ROBO2: variants seen among roughly 807,000 people sequenced by gnomAD.
ROBO2 encodes roundabout guidance receptor 2, also known as roundabout homolog 2.
In ROBO2, 53 loss-of-function variants were observed where a neutral mutation model predicts 160.8. The observed-to-expected ratio is 0.33, with a 90% CI of 0.26 to 0.41. ROBO2 has a LOEUF of 0.41. Ranked by LOEUF, ROBO2 falls within the 10% of genes least tolerant of loss-of-function variation. The pLI is 1.00. For missense variants in ROBO2, 1,577 were observed against 1,722.4 expected, an observed-to-expected ratio of 0.92 and a Z score of 1.49; for synonymous variants, 664 against 611.7, an observed-to-expected ratio of 1.09 and a Z score of -1.26.
intron 2 of ROBO2, among the ~76,000 whole-genome samples, chr3:76,509,096 A>AAGAAC (rs2080948001): frequency 6.6e-6 from 1 of 152,140 alleles, no homozygotes; most frequent in Non-Finnish European, 1.5e-5. Context: ...CTTGTCTCTA[A>AAGAAC]TAAGATTACT....
chr3:77,097,002 T>C (rs985093668), intron 1 of ROBO2, among the ~76,000 whole-genome samples: 9 of 152,240 alleles, frequency 5.9e-5, no homozygotes, highest in African/African-American at 1.2e-4. Context: ...CTATCCCTTA[T>C]TGATAATACA....
intron 2 of ROBO2, among the ~76,000 whole-genome samples, chr3:76,867,317 G>T (rs1282087613): frequency 6.6e-6 from 1 of 152,128 alleles, no homozygotes; most frequent in Non-Finnish European, 1.5e-5. Flanking sequence ...CACATTATAT[G>T]CCAGTCTCAG....
chr3:76,414,083 CT>C (rs35679030), intron 2 of ROBO2, among the ~76,000 whole-genome samples: 88,112 of 151,842 alleles, frequency 0.58, 26,076 homozygotes, highest in African/African-American at 0.69. Context: ...CCCATCAGAT[CT>C]TGTGAGACTT....
intron 2 of ROBO2, among the ~76,000 whole-genome samples, chr3:77,028,273 G>A: frequency 6.6e-6 from 1 of 152,132 alleles, no homozygotes; most frequent in South Asian, 2.1e-4. Flanking sequence ...GGGACTTTGA[G>A]GTGAATCAGG....
At chr3:77,469,102 G>C (rs953741410) in intron 2 of ROBO2, among the ~76,000 whole-genome samples, 1 of 152,154 alleles carries the variant, frequency 6.6e-6, no homozygotes, top group East Asian at 1.9e-4. Flanking sequence ...TTTATCAGTT[G>C]TTTAGTCATT....
rs111997500 is a variant in ROBO2, at chr3:76,655,007, A to G, written c.110-443007A>G. Among the ~76,000 whole-genome samples the G allele has an allele frequency of 6.4e-3, 962 of 150,556 alleles. 5 individuals carry two copies. Among genetic ancestry groups the G allele is most frequent in the African/African-American group, 0.022 (912 of 41,200 alleles). On this transcript the variant is annotated intron_variant, in intron 2 of 26. Coordinates refer to the ROBO2 transcript ENST00000487694. ...ACCTTAATATTCACTTGATTTCACA[A>G]CAGGCCCATGCATGAGAATGTTGGT... is the stretch of plus-strand genomic sequence containing the variant.
intron 2 of ROBO2, among the ~76,000 whole-genome samples, chr3:76,978,452 G>T (rs1208299239): frequency 6.6e-6 from 1 of 152,030 alleles, no homozygotes; most frequent in East Asian, 1.9e-4. Context: ...AGATTTTTAG[G>T]AATATATTTG....
intron 2 of ROBO2, among the ~76,000 whole-genome samples, chr3:76,741,083 A>C (rs2108036063): frequency 6.6e-6 from 1 of 152,158 alleles, no homozygotes; most frequent in East Asian, 1.9e-4. Flanking sequence ...TTAGTCTGTT[A>C]GTCCCTGTAG....
chr3:76,728,566 TA>T (rs2093587380), intron 2 of ROBO2, among the ~76,000 whole-genome samples: 1 of 152,180 alleles, frequency 6.6e-6, no homozygotes, highest in Non-Finnish European at 1.5e-5. Flanking sequence ...GTCAGTTCTA[TA>T]AAACAGTTTT....
At chr3:76,924,737 A>G (rs1000019792) in intron 2 of ROBO2, among the ~76,000 whole-genome samples, 19 of 152,188 alleles carry the variant, frequency 1.2e-4, no homozygotes, top group African/African-American at 4.6e-4. Flanking sequence ...TTGGACTAAG[A>G]ATGCCATAAA....
chr3:76,257,386 T>C (rs1022030344), intron 2 of ROBO2, among the ~76,000 whole-genome samples: 11 of 152,146 alleles, frequency 7.2e-5, no homozygotes, highest in African/African-American at 2.7e-4. Context: ...TTTTCTATAA[T>C]ATCTACTTGG....
chr3:77,234,461 A>G (rs2087661051), intron 2 of ROBO2, among the ~76,000 whole-genome samples: 1 of 152,082 alleles, frequency 6.6e-6, no homozygotes. Context: ...CGTTTAATGT[A>G]AATGTGGACA....
chr3:77,185,255 A>G (rs1028188914), intron 2 of ROBO2, among the ~76,000 whole-genome samples: 1 of 152,010 alleles, frequency 6.6e-6, no homozygotes, highest in Admixed American at 6.6e-5. Context: ...AGATTCAGAT[A>G]TAGATAAAGT....
chr3:77,327,135 A>C (rs2065476716), intron 2 of ROBO2, among the ~76,000 whole-genome samples: 2 of 152,188 alleles, frequency 1.3e-5, no homozygotes, highest in African/African-American at 4.8e-5. Flanking sequence ...TTCTATATAA[A>C]ATTTGGTTTC....
intron 2 of ROBO2, among the ~76,000 whole-genome samples, chr3:76,408,665 TA>T (rs995814561): frequency 2.2e-4 from 34 of 152,162 alleles, no homozygotes; most frequent in African/African-American, 7.5e-4. Context: ...ACTGATTAAT[TA>T]GAGAAAGGGC....
At chr3:76,641,671 G>C (rs2090682111) in intron 2 of ROBO2, among the ~76,000 whole-genome samples, 1 of 152,138 alleles carries the variant, frequency 6.6e-6, no homozygotes, top group Non-Finnish European at 1.5e-5. Context: ...AAGGCCTGTA[G>C]CTTACACAAA....
intron 2 of ROBO2, among the ~76,000 whole-genome samples, chr3:76,907,613 G>A (rs2075690636): frequency 6.6e-6 from 1 of 152,138 alleles, no homozygotes; most frequent in Non-Finnish European, 1.5e-5. Context: ...CTTCCTTTCT[G>A]TAAGATTCAT....
chr3:76,123,483 C>G (rs1576952092), intron 2 of ROBO2, among the ~76,000 whole-genome samples: 1 of 152,180 alleles, frequency 6.6e-6, no homozygotes, highest in East Asian at 1.9e-4. Flanking sequence ...AGTTGAGCGA[C>G]TTCATGGGAT....
At chr3:76,473,084 G>A (rs1415456404) in intron 2 of ROBO2, among the ~76,000 whole-genome samples, 1 of 152,122 alleles carries the variant, frequency 6.6e-6, no homozygotes, top group African/African-American at 2.4e-5. Context: ...CAAAATGAAT[G>A]CAATTTGTTC....
Sources: allele counts gnomAD v4.1 joint callset (sites outside exome capture counted in the v4.1 genomes callset), GRCh38; gene constraint gnomAD v4.1.1; transcripts MANE v1.5; gene names NCBI Gene and HGNC (gene_info 2026-07-23, HGNC 2026-07-21).